ZEB2: variants seen among roughly 807,000 people sequenced by gnomAD.
ZEB2 encodes zinc finger E-box-binding homeobox 2.
In ZEB2, 6 loss-of-function variants were observed where a neutral mutation model predicts 99.9. That is an observed-to-expected ratio of 0.06 (90% CI 0.03 to 0.12). The LOEUF is 0.12. Ranked by LOEUF, ZEB2 falls within the 10% of genes least tolerant of loss-of-function variation. The probability of loss-of-function intolerance (pLI) is 1.00; values close to 1 mark genes in which losing one functional copy is unlikely to be tolerated. For missense variants in ZEB2, 969 were observed against 1,502.8 expected (o/e 0.64, Z 5.87); for synonymous variants, 517 against 542.5 (o/e 0.95, Z 0.65).
At chr2:144,391,072 C>A (rs1048540972) in intron 9 of ZEB2, among the ~76,000 whole-genome samples, 1 of 152,178 alleles carries the variant, frequency 6.6e-6, no homozygotes, top group African/African-American at 2.4e-5. Flanking sequence ...AATTAAAACC[C>A]AACAAAGTAG....
At chr2:144,471,803 TA>T (rs1362945755) in intron 2 of ZEB2, among the ~76,000 whole-genome samples, 1 of 151,324 alleles carries the variant, frequency 6.6e-6, no homozygotes, top group Non-Finnish European at 1.5e-5. Context: ...TTTTTTTTTT[TA>T]ATTGATGTTA....
chr2:144,489,524 C>A (rs1182821593), intron 2 of ZEB2, among the ~76,000 whole-genome samples: 1 of 152,220 alleles, frequency 6.6e-6, no homozygotes, highest in Non-Finnish European at 1.5e-5. Flanking sequence ...TCAGCAGAAT[C>A]TCCTCTCTAC....
chr2:144,461,776 T>C (rs993404585), intron 2 of ZEB2: 2 of 152,026 alleles, frequency 1.3e-5, no homozygotes, highest in Admixed American at 1.3e-4. Flanking sequence ...AGCATCTGGA[T>C]GACCAGGTTT....
chr2:144,430,075 A>G (rs749300205), intron 2 of ZEB2, 49 bp from the exon 3 acceptor site: 2 of 1,606,098 alleles, frequency 1.2e-6, no homozygotes, highest in South Asian at 1.1e-5. Flanking sequence ...GTTGAGAAAC[A>G]TCAGCCACCC....
At chr2:144,515,402 A>G (rs577822482) in intron 2 of ZEB2, among the ~76,000 whole-genome samples, 1 of 152,228 alleles carries the variant, frequency 6.6e-6, no homozygotes, top group South Asian at 2.1e-4. Context: ...AGAGGGGGAC[A>G]TTAGGTGTAA....
chr2:144,472,095 G>GA (rs148106167), intron 2 of ZEB2, among the ~76,000 whole-genome samples: 90 of 150,088 alleles, frequency 6.0e-4, no homozygotes, highest in Non-Finnish European at 3.6e-4. Flanking sequence ...CATTTAATGG[G>GA]AAAAAAAAAC....
intron 2 of ZEB2, chr2:144,461,787 C>T (rs2149904469): frequency 6.6e-6 from 1 of 152,064 alleles, no homozygotes; most frequent in East Asian, 1.9e-4. Context: ...GACCAGGTTT[C>T]TACAGCAACT....
At chr2:144,432,425 T>C (rs925602631) in intron 2 of ZEB2, among the ~76,000 whole-genome samples, 9 of 152,180 alleles carry the variant, frequency 5.9e-5, no homozygotes, top group African/African-American at 2.2e-4. Flanking sequence ...TCCCAACCCC[T>C]TTTTAAATCC....
At position 144,384,252 on chromosome 2, in the gene ZEB2, A is replaced by T. The variant is rs937747936; in HGVS notation, c.*5199T>A. On this transcript the variant is annotated 3_prime_UTR_variant, in exon 10 of 10. Transcript: ENST00000627532. ...CATGTCATGCTAGATTATAGGTAGT[A>T]GGCGACTCGTTTAATAGAGAAAGTT... The T allele has an allele frequency of 1.3e-5, 2 of 152,094 alleles. No individual in the cohort carries two copies. Among genetic ancestry groups the T allele is most frequent in the African/African-American group, 4.8e-5 (2 of 41,428 alleles). 9.4% of individuals were successfully genotyped at this position (152,094 alleles called of 1,614,324 possible).
At chr2:144,431,468 T>C (rs1703768994) in intron 2 of ZEB2, among the ~76,000 whole-genome samples, 2 of 152,032 alleles carry the variant, frequency 1.3e-5, no homozygotes, top group African/African-American at 4.8e-5. Flanking sequence ...ATATGATCTT[T>C]GTATAATCCG....
chr2:144,480,994 T>C (rs1390850302), intron 2 of ZEB2, among the ~76,000 whole-genome samples: 3 of 152,188 alleles, frequency 2.0e-5, no homozygotes, highest in Non-Finnish European at 2.9e-5. Context: ...CTAATAATTA[T>C]AGCATTATTT....
intron 2 of ZEB2, among the ~76,000 whole-genome samples, chr2:144,445,288 G>C (rs1433917426): frequency 9.9e-5 from 3 of 30,170 alleles, no homozygotes; most frequent in Admixed American, 2.7e-4. Flanking sequence ...TTTTTTTTTT[G>C]ATCAGAGGCA....
intron 2 of ZEB2, among the ~76,000 whole-genome samples, chr2:144,490,271 TCTG>T (rs1704657707): frequency 6.6e-6 from 1 of 152,204 alleles, no homozygotes; most frequent in African/African-American, 2.4e-5. Flanking sequence ...ATTTGTCACA[TCTG>T]CTGAGAAAAT....
chr2:144,485,207 AG>A (rs897541294), intron 2 of ZEB2, among the ~76,000 whole-genome samples: 5 of 152,242 alleles, frequency 3.3e-5, no homozygotes, highest in Non-Finnish European at 7.3e-5. Context: ...GGATGAGTAT[AG>A]TTGAAATCCT....
chr2:144,437,578 A>T (rs1358178624), intron 2 of ZEB2, among the ~76,000 whole-genome samples: 6 of 152,208 alleles, frequency 3.9e-5, no homozygotes, highest in Non-Finnish European at 8.8e-5. Flanking sequence ...AGGAATGTGA[A>T]AATAACTGTA....
At chr2:144,393,607 T>C (rs919983262) in intron 9 of ZEB2, among the ~76,000 whole-genome samples, 3 of 152,152 alleles carry the variant, frequency 2.0e-5, no homozygotes, top group Non-Finnish European at 4.4e-5. Flanking sequence ...ACAGGTTCAA[T>C]TGGGATAGGA....
intron 2 of ZEB2, among the ~76,000 whole-genome samples, chr2:144,442,183 C>T (rs1408495971): frequency 6.6e-6 from 1 of 152,060 alleles, no homozygotes; most frequent in Non-Finnish European, 1.5e-5. Context: ...AAAGTTTTAC[C>T]AAGACCTGCC....
chr2:144,384,153 T>C lies in ZEB2; in HGVS notation c.*5298A>G, dbSNP rs560839081. ...CTTTGACTAAAATTATTAGAATCTT[T>C]GTCATATTAATCTCAAGACCAAATC... is the stretch of plus-strand genomic sequence containing the variant. On this transcript the variant is annotated 3_prime_UTR_variant, in exon 10 of 10. Coordinates refer to ENST00000627532, the MANE Select transcript of ZEB2 (RefSeq NM_014795.4). The C allele has an allele frequency of 2.0e-5, 3 of 152,342 alleles. No individual in the cohort carries two copies. The South Asian group carries it at 6.2e-4, about 32-fold the overall frequency. 9.4% of individuals were successfully genotyped at this position (152,342 alleles called of 1,614,324 possible).
intron 2 of ZEB2, among the ~76,000 whole-genome samples, chr2:144,470,222 A>G (rs917684909): frequency 3.3e-5 from 5 of 152,220 alleles, no homozygotes; most frequent in African/African-American, 1.2e-4. Context: ...TGCCTTAGAG[A>G]GTAAAAATGT....
Sources: allele counts gnomAD v4.1 joint callset (sites outside exome capture counted in the v4.1 genomes callset), GRCh38; gene constraint gnomAD v4.1.1; transcripts MANE v1.5; gene names NCBI Gene and HGNC (gene_info 2026-07-23, HGNC 2026-07-21).